The following ALCAM variants were observed in gnomAD, a reference collection of about 807,000 sequenced individuals.
ALCAM encodes the protein activated leukocyte cell adhesion molecule.
Under a neutral mutation model 70.9 loss-of-function variants are expected in ALCAM, and 30 were observed. The observed-to-expected ratio is 0.42, with a 90% CI of 0.32 to 0.57. ALCAM has a LOEUF of 0.57. Among genes scored for constraint, ALCAM ranks in the 20% least tolerant of loss-of-function variants. The pLI is 0.11. For missense variants in ALCAM, 591 were observed against 695.1 expected (o/e 0.85, Z 1.68); for synonymous variants, 249 against 242.5 (o/e 1.03, Z -0.25).
At chr3:105,555,975 C>G (rs2152632893) in intron 14 of ALCAM, among the ~76,000 whole-genome samples, 1 of 151,902 alleles carries the variant, frequency 6.6e-6, no homozygotes, top group African/African-American at 2.4e-5. Context: ...CTATCAGAGT[C>G]AGGAAAAGGC....
intron 1 of ALCAM, among the ~76,000 whole-genome samples, chr3:105,494,756 C>G (rs1478699916): frequency 6.6e-6 from 1 of 151,948 alleles, no homozygotes; most frequent in African/African-American, 2.4e-5. Flanking sequence ...AACTCCTGGG[C>G]TCAAGTGATC....
rs1168337173 is a variant in ALCAM at position 105,545,342 on chromosome 3, A to G, written c.1104+7A>G. On this transcript the variant is annotated splice_region_variant and intron_variant, in intron 9 of 15. Transcript: ENST00000306107. ...AACTGTGGTATGGATGAAAGTAAGTAATATTTTTGGTACTACCCTGCTGTT... is the reference window on the plus strand; with the variant it reads ...AACTGTGGTATGGATGAAAGTAAGTGATATTTTTGGTACTACCCTGCTGTT... 2.5e-6 allele frequency: 4 copies of G among 1,592,982 alleles called. No individual in the cohort carries two copies. In the South Asian group the frequency reaches 3.3e-5, roughly 13 times the overall value.
intron 1 of ALCAM, among the ~76,000 whole-genome samples, chr3:105,467,190 T>C (rs1178777234): frequency 6.6e-6 from 1 of 151,344 alleles, no homozygotes; most frequent in Non-Finnish European, 1.5e-5. Context: ...CTCTGGAATA[T>C]ACTATGTGCT....
At chr3:105,419,694 G>C (rs768402689) in intron 1 of ALCAM, among the ~76,000 whole-genome samples, 2 of 151,790 alleles carry the variant, frequency 1.3e-5, no homozygotes, top group Non-Finnish European at 2.9e-5. Flanking sequence ...GAAAGTATTA[G>C]TTGTCCCAAA....
intron 6 of ALCAM, among the ~76,000 whole-genome samples, chr3:105,536,668 C>T (rs1038577595): frequency 6.6e-6 from 1 of 152,046 alleles, no homozygotes; most frequent in Non-Finnish European, 1.5e-5. Context: ...GGTGAAAACA[C>T]GAAGCACAAA....
At chr3:105,460,798 C>T (rs1937591522) in intron 1 of ALCAM, among the ~76,000 whole-genome samples, 2 of 151,744 alleles carry the variant, frequency 1.3e-5, no homozygotes, top group African/African-American at 4.8e-5. Context: ...CCCAACATGC[C>T]ATTGGTGAAG....
intron 8 of ALCAM, chr3:105,544,939 C>T (rs952499368): frequency 8.5e-6 from 3 of 351,238 alleles, no homozygotes; most frequent in Non-Finnish European, 1.7e-5. Flanking sequence ...AGGTGATAGG[C>T]CCTAGGGGAA....
chr3:105,390,449 G>C lies in ALCAM; in HGVS notation c.73+22968G>C, dbSNP rs1302448739. The stretch of plus-strand genomic sequence containing the variant: ...TGCCCACTTTTTAATGGGGTTGTTG[G>C]GTTTTTTTCTTGTAAATTTCTTTAA... On this transcript the variant is annotated intron_variant, in intron 1 of 15. Transcript: ENST00000306107. Among the ~76,000 whole-genome samples the C allele has an allele frequency of 2.6e-5, 4 of 151,544 alleles. No individual in the cohort carries two copies. The Admixed American group carries it at 2.6e-4, about 10-fold the overall frequency.
intron 1 of ALCAM, among the ~76,000 whole-genome samples, chr3:105,434,902 G>A (rs985425521): frequency 6.6e-6 from 1 of 152,036 alleles, no homozygotes; most frequent in Non-Finnish European, 1.5e-5. Flanking sequence ...CATGTGAAAC[G>A]CATCCTAAAC....
At chr3:105,381,243 C>T (rs1356879431) in intron 1 of ALCAM, among the ~76,000 whole-genome samples, 1 of 151,872 alleles carries the variant, frequency 6.6e-6, no homozygotes, top group Non-Finnish European at 1.5e-5. Context: ...GTTAATCTTT[C>T]CCACTTCCCC....
At chr3:105,447,493 G>C (rs1416409955) in intron 1 of ALCAM, among the ~76,000 whole-genome samples, 1 of 152,206 alleles carries the variant, frequency 6.6e-6, no homozygotes, top group East Asian at 1.9e-4. Flanking sequence ...GAGCCCAGGA[G>C]CTTGAGACCA....
intron 1 of ALCAM, among the ~76,000 whole-genome samples, chr3:105,382,505 G>A (rs1358978403): frequency 6.6e-6 from 1 of 152,016 alleles, no homozygotes; most frequent in Non-Finnish European, 1.5e-5. Flanking sequence ...GATACCTGAG[G>A]ACTCCCCACA....
At chr3:105,496,973 T>G (rs1938761229) in intron 1 of ALCAM, among the ~76,000 whole-genome samples, 1 of 152,108 alleles carries the variant, frequency 6.6e-6, no homozygotes. Flanking sequence ...TTTCCATCTC[T>G]TCTTTCACCC....
intron 1 of ALCAM, among the ~76,000 whole-genome samples, chr3:105,455,373 C>T (rs1253600765): frequency 2.0e-5 from 3 of 147,162 alleles, no homozygotes; most frequent in South Asian, 2.2e-4. Context: ...ACCCGGGAGG[C>T]GGAGCTTGCA....
rs1553716633 is a variant in ALCAM at position 105,368,265 on chromosome 3, A to AGAGAGAGAGAGAGAGAG, written c.73+784_73+785insGAGAGAGAGAGAGAGAG. Among the ~76,000 whole-genome samples, 147 of 25,900 alleles carry AGAGAGAGAGAGAGAGAG rather than the reference A, an allele frequency of 5.7e-3. 4 individuals carry two copies. The highest frequency in any genetic ancestry group is 1.0e-2 in the Admixed American group (21 of 2,102). 17.0% of individuals were successfully genotyped at this position (25,900 alleles called of 152,430 possible). ...AGAGAGAGAGAGAGAGAGAGAGAGAAAAGGCAAAATTCCCAACAACTAAAA... is the reference window on the plus strand; with the variant it reads ...AGAGAGAGAGAGAGAGAGAGAGAGAAGAGAGAGAGAGAGAGAGAAGGCAAAATTCCCAACAACTAAAA... On this transcript the variant is annotated intron_variant, in intron 1 of 15. Coordinates refer to ENST00000306107, the MANE Select transcript of ALCAM (RefSeq NM_001627.4).
chr3:105,435,747 A>G (rs1228577696), intron 1 of ALCAM, among the ~76,000 whole-genome samples: 1 of 152,194 alleles, frequency 6.6e-6, no homozygotes, highest in Non-Finnish European at 1.5e-5. Flanking sequence ...CTGTTGATAA[A>G]GACATACCCA....
intron 1 of ALCAM, among the ~76,000 whole-genome samples, chr3:105,463,419 A>C (rs554872901): frequency 6.6e-6 from 1 of 151,638 alleles, no homozygotes; most frequent in East Asian, 1.9e-4. Flanking sequence ...ATAGACTAAG[A>C]AGTCAAAAGT....
chr3:105,484,632 A>G (rs992380721), intron 1 of ALCAM, among the ~76,000 whole-genome samples: 4 of 152,100 alleles, frequency 2.6e-5, no homozygotes, highest in Non-Finnish European at 5.9e-5. Flanking sequence ...CCTTGGTACC[A>G]TGAAGATCTA....
chr3:105,398,828 T>C (rs1936016038), intron 1 of ALCAM, among the ~76,000 whole-genome samples: 1 of 152,130 alleles, frequency 6.6e-6, no homozygotes, highest in Non-Finnish European at 1.5e-5. Context: ...TGGAGATTGC[T>C]TGTTGCTTTG....
Sources: gnomAD v4.1 joint callset for allele counts (sites outside exome capture counted in the v4.1 genomes callset) on GRCh38, gnomAD v4.1.1 for gene constraint, MANE v1.5 for transcripts, NCBI Gene and HGNC (gene_info 2026-07-23, HGNC 2026-07-21) for gene names.